UTS2B: variants seen among roughly 807,000 people sequenced by gnomAD.
The protein encoded by UTS2B is urotensin-2B.
In UTS2B, 21 loss-of-function variants were observed where a neutral mutation model predicts 19.2. The ratio of observed to expected loss-of-function variants is 1.09; its 90% CI spans 0.78 to 1.58. The LOEUF (loss-of-function observed/expected upper bound fraction) is 1.58. Ranked by LOEUF, UTS2B falls within the 40% of genes most tolerant of loss-of-function variation. UTS2B has a pLI of 0.00. For missense variants in UTS2B, 138 were observed against 130.3 expected (o/e 1.06, Z -0.29); for synonymous variants, 57 against 50.2 (o/e 1.14, Z -0.58).
intron 4 of UTS2B, among the ~76,000 whole-genome samples, chr3:191,301,653 ATTT>A (rs1218863472): frequency 6.7e-6 from 1 of 150,188 alleles, no homozygotes; most frequent in African/African-American, 2.4e-5. Flanking sequence ...TGCCCGGCTA[ATTT>A]TTTTTTGTAT....
chr3:191,336,962 C>CA, the UTS2B span, among the ~76,000 whole-genome samples: 2 of 151,416 alleles, frequency 1.3e-5, no homozygotes, highest in South Asian at 2.1e-4. Flanking sequence ...TTTAATGATT[C>CA]AAAAAAAATA....
intron 1 of UTS2B, chr3:191,329,735 G>A (rs1269201319): frequency 2.5e-6 from 4 of 1,607,900 alleles, no homozygotes; most frequent in Non-Finnish European, 3.4e-6. Flanking sequence ...TAAGGGCCCC[G>A]GAGGGAGAGC....
In UTS2B at chr3:191,296,239, T is replaced by TC. The variant is rs1264631262; in HGVS notation, c.-125+8252dup. 3.3e-5 allele frequency among the ~76,000 whole-genome samples: 5 copies of TC among 151,392 alleles called. No homozygotes were observed. The Admixed American group carries it at 3.3e-4, about 10-fold the overall frequency. On this transcript the variant is annotated intron_variant, in intron 4 of 8. Transcript: ENST00000340524. ...ACTTTGCACCTGCAGGGAGGCATACTCCCCTTCCCCAACTTACACACACTC... is the reference window on the plus strand; with the variant it reads ...ACTTTGCACCTGCAGGGAGGCATACTCCCCCTTCCCCAACTTACACACACTC...
At chr3:191,313,263 G>A (rs769483567) in intron 3 of UTS2B, among the ~76,000 whole-genome samples, 6 of 152,124 alleles carry the variant, frequency 3.9e-5, no homozygotes, top group Non-Finnish European at 8.8e-5. Context: ...CCAAAGTGCT[G>A]GGATTACAGA....
At chr3:191,279,927 T>A (rs1716338669) in intron 5 of UTS2B, among the ~76,000 whole-genome samples, 2 of 152,090 alleles carry the variant, frequency 1.3e-5, no homozygotes, top group African/African-American at 4.8e-5. Context: ...AACACATATA[T>A]TTTTAATGTT....
chr3:191,327,628 T>C, intron 2 of UTS2B, among the ~76,000 whole-genome samples: 1 of 152,196 alleles, frequency 6.6e-6, no homozygotes, highest in Admixed American at 6.5e-5. Flanking sequence ...TACTCTGATA[T>C]TTCTCTCCTC....
chr3:191,311,930 A>G (rs1717312973), intron 3 of UTS2B, among the ~76,000 whole-genome samples: 1 of 152,144 alleles, frequency 6.6e-6, no homozygotes, highest in Admixed American at 6.5e-5. Context: ...ACCTCAGGTC[A>G]GGAGTTTGAG....
chr3:191,344,322 C>T, the UTS2B span, among the ~76,000 whole-genome samples: 4 of 152,198 alleles, frequency 2.6e-5, no homozygotes, highest in Non-Finnish European at 2.9e-5. Flanking sequence ...ATGATGCAAA[C>T]GTTCTGTATT....
In UTS2B at chr3:191,315,474, C is replaced by A. The variant is rs1248228223; in HGVS notation, c.-182+562G>T. ...CCCTAAGCTGCTGGATCTGATACCA[C>A]CTCCAGGTAGATAGTGTCGGAATTG... On this transcript the variant is annotated intron_variant, in intron 3 of 8. Transcript: ENST00000340524. 3.3e-5 allele frequency among the ~76,000 whole-genome samples: 5 copies of A among 152,186 alleles called. No individual in the cohort carries two copies. The East Asian group carries it at 9.6e-4, about 29-fold the overall frequency.
upstream of UTS2B, among the ~76,000 whole-genome samples, chr3:191,334,744 G>A (rs575968805): frequency 2.6e-5 from 4 of 151,888 alleles, no homozygotes; most frequent in Admixed American, 1.3e-4. Context: ...CTGTAGATGC[G>A]AAAGATTCAT....
At chr3:191,338,742 TGA>T in the UTS2B span, among the ~76,000 whole-genome samples, 1 of 152,232 alleles carries the variant, frequency 6.6e-6, no homozygotes, top group African/African-American at 2.4e-5. Context: ...TTTTGTTGTA[TGA>T]GTTGTTCCAG....
At chr3:191,275,187 C>T in intron 8 of UTS2B, 65 bp downstream of exon 8, 1 of 1,282,198 alleles carries the variant, frequency 7.8e-7, no homozygotes, top group Non-Finnish European at 1.1e-6. Flanking sequence ...TCTTCTTCCT[C>T]TCAGAAATTA....
At chr3:191,311,299 A>G (rs1717295611) in intron 3 of UTS2B, among the ~76,000 whole-genome samples, 2 of 152,258 alleles carry the variant, frequency 1.3e-5, no homozygotes, top group South Asian at 4.1e-4. Context: ...AAGAAAAATT[A>G]TTCGATATAC....
In UTS2B at chr3:191,316,849, C is replaced by T. The variant is rs148339897; in HGVS notation, c.-585-410G>A. 2.3e-3 allele frequency among the ~76,000 whole-genome samples: 353 copies of T among 152,340 alleles called. 2 individuals carry two copies. Among genetic ancestry groups the T allele is most frequent in the African/African-American group, 7.3e-3 (302 of 41,574 alleles). On this transcript the variant is annotated intron_variant, in intron 2 of 8. Transcript: ENST00000340524. ...GTGCTGATTGGTGCATCCACAAACC[C>T]CCAGCTAGACACTGAGTGCTGATTG...
chr3:191,272,218 T>C (rs772817603), intron 8 of UTS2B, among the ~76,000 whole-genome samples: 1 of 152,238 alleles, frequency 6.6e-6, no homozygotes, highest in South Asian at 2.1e-4. Context: ...TATCCCAATA[T>C]ACAGTTTGAT....
At chr3:191,306,332 T>C (rs993920328) in intron 3 of UTS2B, among the ~76,000 whole-genome samples, 3 of 152,226 alleles carry the variant, frequency 2.0e-5, no homozygotes, top group Non-Finnish European at 4.4e-5. Context: ...ACTTCAGAGA[T>C]ATATTTAACT....
At chr3:191,269,240 AC>A (rs1456897984) in intron 8 of UTS2B, among the ~76,000 whole-genome samples, 1 of 152,170 alleles carries the variant, frequency 6.6e-6, no homozygotes, top group Non-Finnish European at 1.5e-5. Flanking sequence ...GAGTTGAAAA[AC>A]ATATAATCCC....
upstream of UTS2B, among the ~76,000 whole-genome samples, chr3:191,332,639 A>G (rs959470523): frequency 6.6e-6 from 1 of 152,226 alleles, no homozygotes; most frequent in Non-Finnish European, 1.5e-5. Context: ...TGTTTCAACA[A>G]TATTCTGAAA....
At chr3:191,279,707 T>C (rs1470710296) in intron 5 of UTS2B, among the ~76,000 whole-genome samples, 1 of 152,056 alleles carries the variant, frequency 6.6e-6, no homozygotes, top group Non-Finnish European at 1.5e-5. Flanking sequence ...TAATTATACC[T>C]CCATAACTCT....
Sources: allele counts gnomAD v4.1 joint callset (sites outside exome capture counted in the v4.1 genomes callset), GRCh38; gene constraint gnomAD v4.1.1; transcripts MANE v1.5; gene names NCBI Gene and HGNC (gene_info 2026-07-23, HGNC 2026-07-21).